The following GATB variants were observed in gnomAD, a reference collection of about 807,000 sequenced individuals.
The protein encoded by GATB is glutamyl-tRNA(Gln) amidotransferase subunit B, mitochondrial.
GATB carries 39 observed loss-of-function variants against 62.3 expected under a neutral mutation model. The observed-to-expected ratio is 0.63, with a 90% confidence interval of 0.48 to 0.82. GATB has a LOEUF of 0.82. GATB is among the 40% of genes least tolerant of loss of function. The pLI is 0.00. For synonymous variants in GATB, 276 were observed against 258.9 expected (o/e 1.07, Z -0.63); for missense variants, 670 against 684.0 (o/e 0.98, Z 0.23).
At position 151,708,007 on chromosome 4, in the gene GATB, C is replaced by T. The variant is rs1490391956; in HGVS notation, c.858G>A (p.Arg286=). Reference sequence around the variant, plus strand: ...ATTCACCTATGGCTTTGGCCAGGAACCTGATGCTGTTGAGATTCTTCACTT... The same window carrying T: ...ATTCACCTATGGCTTTGGCCAGGAATCTGATGCTGTTGAGATTCTTCACTT... ...RTEVKNLNSI[R]FLAKAIDYEI... is the part of the protein sequence containing the mutation. Residue 286 remains arginine (R), a synonymous_variant, in exon 6 of 13, where the codon AGG becomes AGA. Coordinates refer to ENST00000263985, the MANE Select transcript of GATB (RefSeq NM_004564.3). The T allele has an allele frequency of 5.0e-6, 8 of 1,613,302 alleles. No homozygotes were observed. The highest frequency in any genetic ancestry group is 6.8e-6 in the Non-Finnish European group (8 of 1,179,190).
intron 2 of GATB, among the ~76,000 whole-genome samples, chr4:151,757,168 T>C (rs1166917267): frequency 6.6e-6 from 1 of 152,182 alleles, no homozygotes; most frequent in Non-Finnish European, 1.5e-5. Flanking sequence ...AATCTTTCCA[T>C]AGATAGATCT....
chr4:151,745,230 G>A (rs1739571734), intron 2 of GATB, among the ~76,000 whole-genome samples: 1 of 152,078 alleles, frequency 6.6e-6, no homozygotes, highest in Non-Finnish European at 1.5e-5. Flanking sequence ...GATTATAAAT[G>A]TACGTATTTA....
chr4:151,673,255 C>CGG (rs898121079), intron 11 of GATB: 20 of 140,576 alleles, frequency 1.4e-4, no homozygotes, highest in South Asian at 8.2e-4. Flanking sequence ...CTCCACATGG[C>CGG]GGGGGGGGGC....
intron 9 of GATB, among the ~76,000 whole-genome samples, chr4:151,697,917 C>A (rs9995704): frequency 0.58 from 73,587 of 125,972 alleles, 23,124 homozygotes; most frequent in African/African-American, 0.86. Flanking sequence ...AACAAACAAA[C>A]AAAAATCGAT....
At chr4:151,678,720 A>G (rs1263845406) in intron 11 of GATB, among the ~76,000 whole-genome samples, 1 of 152,168 alleles carries the variant, frequency 6.6e-6, no homozygotes, top group African/African-American at 2.4e-5. Flanking sequence ...ACTTTCCCCA[A>G]GCCTCCCTTT....
intron 10 of GATB, among the ~76,000 whole-genome samples, chr4:151,681,700 A>G (rs1347872268): frequency 6.6e-6 from 1 of 152,194 alleles, no homozygotes; most frequent in Non-Finnish European, 1.5e-5. Context: ...AGTACCAAAG[A>G]CGACATGGCT....
At chr4:151,722,066 T>TG in intron 2 of GATB, 2 of 633,382 alleles carry the variant, frequency 3.2e-6, no homozygotes, top group Middle Eastern at 2.5e-4. Context: ...GAGGGCCCAG[T>TG]AAACAGAGAG....
At chr4:151,708,292 A>G (rs1309262405) in intron 5 of GATB, among the ~76,000 whole-genome samples, 191 bp from the exon 6 acceptor site, 1 of 152,210 alleles carries the variant, frequency 6.6e-6, no homozygotes, top group African/African-American at 2.4e-5. Flanking sequence ...GAGAGGGGTT[A>G]CAGTCCTGAG....
In GATB at chr4:151,705,272, A is replaced by G; in HGVS notation, c.878-3T>C. On this transcript the variant is annotated splice_polypyrimidine_tract_variant and splice_region_variant and intron_variant, in intron 6 of 12. Transcript: ENST00000263985. ...GATTTGCCTCTGAATTTCATAGTCT[A>G]GGAAAAACACACTAATTTAGCATCA... is the stretch of plus-strand genomic sequence containing the variant. 6.3e-7 allele frequency: 1 copy of G among 1,592,138 alleles called. No individual in the cohort carries two copies. Among genetic ancestry groups the G allele is most frequent in the Non-Finnish European group, 8.6e-7 (1 of 1,160,242 alleles).
In GATB at chr4:151,689,530, C is replaced by G. The variant is rs532045714; in HGVS notation, c.1198-767G>C. ...CTCCCCCTCTGAACTGTCAGCCCCA[C>G]GAGTCAGGGCTGTGCCCTCCCTGTT... On this transcript the variant is annotated intron_variant, in intron 9 of 12. Transcript: ENST00000263985. Among the ~76,000 whole-genome samples the G allele has an allele frequency of 3.3e-5, 5 of 152,284 alleles. No homozygotes were observed. In the East Asian group the frequency reaches 5.8e-4, roughly 18 times the overall value.
chr4:151,723,290 C>G (rs1739067706), intron 2 of GATB: 1 of 152,242 alleles, frequency 6.6e-6, no homozygotes, highest in East Asian at 1.9e-4. Flanking sequence ...TATTATGATC[C>G]TCATCTTACA....
chr4:151,675,462 T>A (rs1443832015), intron 11 of GATB: 2 of 152,164 alleles, frequency 1.3e-5, no homozygotes, highest in African/African-American at 4.8e-5. Flanking sequence ...GATTGTGCAC[T>A]CCTGGCTGGA....
Position 151,671,303 on chromosome 4 carries a change from C to G in GATB, c.1546-1G>C. 1 of 1,576,412 alleles carries G rather than the reference C, an allele frequency of 6.3e-7. No individual in the cohort carries two copies. Among genetic ancestry groups the G allele is most frequent in the East Asian group, 2.3e-5 (1 of 44,158 alleles). ...GGTTTCTGTTCTTCACATCCATTAC[C>G]TAGAAGGACAGAAATTACTTACTTA... On this transcript the variant is annotated splice_acceptor_variant, in intron 12 of 12. Transcript: ENST00000263985. LOFTEE classifies it high-confidence loss of function.
At position 151,753,897 on chromosome 4, in the gene GATB, C is replaced by T. The variant is rs967339598; in HGVS notation, c.327+4875G>A. Among the ~76,000 whole-genome samples the T allele has an allele frequency of 1.1e-4, 16 of 152,224 alleles. 1 individual carries two copies. The South Asian group carries it at 3.3e-3, about 32-fold the overall frequency. ...ATAGTAAAACTTTTTGAAACAGTTG[C>T]CCACACTCACTTCTTCCTCCATGCC... On this transcript the variant is annotated intron_variant, in intron 2 of 12. Transcript: ENST00000263985.
chr4:151,678,121 A>C (rs1364480188), intron 11 of GATB, among the ~76,000 whole-genome samples: 1 of 152,078 alleles, frequency 6.6e-6, no homozygotes, highest in East Asian at 1.9e-4. Flanking sequence ...AACAAAAAAA[A>C]CCCCAAGGCA....
Position 151,678,128 on chromosome 4 carries a change from G to C in GATB, c.1410+1685C>G, listed in dbSNP as rs1738048715. Among the ~76,000 whole-genome samples the C allele has an allele frequency of 3.3e-5, 5 of 152,130 alleles. 1 individual carries two copies. In the South Asian group the frequency reaches 1.0e-3, roughly 32 times the overall value. On this transcript the variant is annotated intron_variant, in intron 11 of 12. Coordinates refer to ENST00000263985, the MANE Select transcript of GATB (RefSeq NM_004564.3). The stretch of plus-strand genomic sequence containing the variant: ...GGTAGAAAAACAAAAAAAACCCCAA[G>C]GCAATGATACATCACGGGGACCCCC...
Position 151,730,697 on chromosome 4 carries a change from G to A in GATB, c.328-11159C>T, listed in dbSNP as rs1181983315. 6.6e-6 allele frequency among the ~76,000 whole-genome samples: 1 copy of A among 152,198 alleles called. No homozygotes were observed. The highest frequency in any genetic ancestry group is 1.5e-5 in the Non-Finnish European group (1 of 68,040). On this transcript the variant is annotated intron_variant, in intron 2 of 12. Transcript: ENST00000263985. The surrounding 1 kb of genome is among the most constrained non-coding windows in gnomAD (Gnocchi z 4.1). The stretch of plus-strand genomic sequence containing the variant: ...AACAGTCACTACAGTTCAGCTCAAA[G>A]GAAGCCACATCCACAGGAAAAGGGA...
At chr4:151,714,039 A>G (rs960517039) in intron 5 of GATB, among the ~76,000 whole-genome samples, 15 of 151,870 alleles carry the variant, frequency 9.9e-5, no homozygotes, top group African/African-American at 3.4e-4. Flanking sequence ...ACTGATAGAT[A>G]TTATTATCGT....
intron 2 of GATB, among the ~76,000 whole-genome samples, chr4:151,739,278 G>A (rs1739437646): frequency 6.6e-6 from 1 of 152,134 alleles, no homozygotes; most frequent in Admixed American, 6.5e-5. Context: ...GAAAGGCTGG[G>A]GAACACAAAG....
Sources: gnomAD v4.1 joint callset for allele counts (sites outside exome capture counted in the v4.1 genomes callset) on GRCh38, gnomAD v4.1.1 for gene constraint, Gnocchi (gnomAD v3.1) non-coding constraint, MANE v1.5 for transcripts, NCBI Gene and HGNC (gene_info 2026-07-23, HGNC 2026-07-21) for gene names.